Variants in PRUNE2 observed in about 807,000 individuals in gnomAD.
The protein encoded by PRUNE2 is protein prune homolog 2.
A neutral mutation model predicts 252.0 loss-of-function variants in PRUNE2; 164 were observed. The observed-to-expected ratio is 0.65, with a 90% CI of 0.57 to 0.74. The LOEUF (loss-of-function observed/expected upper bound fraction) is 0.74, where lower values mean the gene tolerates loss of function less well. Among genes scored for constraint, PRUNE2 ranks in the 30% least tolerant of loss-of-function variants. The probability of loss-of-function intolerance (pLI) is 0.00; values close to 1 mark genes in which losing one functional copy is unlikely to be tolerated. For missense variants in PRUNE2, 3,495 were observed against 3,711.0 expected (o/e 0.94, Z 1.51); for synonymous variants, 1,292 against 1,350.2 (o/e 0.96, Z 0.94).
intron 9 of PRUNE2, among the ~76,000 whole-genome samples, chr9:76,697,174 T>C (rs944409828): frequency 2.6e-5 from 4 of 152,124 alleles, no homozygotes; most frequent in Admixed American, 2.6e-4. Flanking sequence ...AGTTGTGATG[T>C]TTCAAGTTTC....
chr9:76,823,420 A>G, intron 6 of PRUNE2: 1 of 521,996 alleles, frequency 1.9e-6, no homozygotes, highest in Non-Finnish European at 3.5e-6. Context: ...ATGAAAGAGC[A>G]TTCATCTTGA....
At chr9:76,904,111 G>C (rs764742841) in intron 1 of PRUNE2, among the ~76,000 whole-genome samples, 32 of 152,180 alleles carry the variant, frequency 2.1e-4, no homozygotes, top group Non-Finnish European at 4.4e-4. Flanking sequence ...GGCTGGATGT[G>C]AAAGGTTAAT....
chr9:76,844,480 A>G (rs190404436), intron 4 of PRUNE2, among the ~76,000 whole-genome samples: 7 of 152,356 alleles, frequency 4.6e-5, no homozygotes, highest in Non-Finnish European at 8.8e-5. Context: ...TACAGCCTAC[A>G]GAAGCATGAG....
chr9:76,706,994 T>A lies in PRUNE2; in HGVS notation c.5280A>T (p.Gln1760His). Residue 1760 changes from glutamine (Q) to histidine (H), a missense_variant, in exon 8 of 19, where the codon CAA becomes CAT. Transcript: ENST00000376718. ...AAGTCCAGGGATCAGGGCTGCTTTG[T>A]TGATTGTCACAGAATGGGTTTGACT... The part of the protein sequence containing the change: ...ENKSNPFCDN[Q>H]QSSPDPWTFS... 1 of 1,614,058 alleles carries A rather than the reference T, an allele frequency of 6.2e-7. No homozygotes were observed.
chr9:76,651,261 C>T (rs564842293), intron 11 of PRUNE2, among the ~76,000 whole-genome samples: 56 of 152,038 alleles, frequency 3.7e-4, no homozygotes, highest in Non-Finnish European at 7.5e-4. Flanking sequence ...TAAAACAAGT[C>T]GTTTAGCCAT....
intron 4 of PRUNE2, among the ~76,000 whole-genome samples, chr9:76,839,245 G>C (rs11145098): frequency 0.18 from 28,094 of 152,008 alleles, 3,338 homozygotes; most frequent in African/African-American, 0.32. Context: ...TGTTTATCGA[G>C]GGCCTACTCT....
At chr9:76,648,986 T>TC (rs1049901663) in intron 11 of PRUNE2, among the ~76,000 whole-genome samples, 3 of 152,158 alleles carry the variant, frequency 2.0e-5, no homozygotes, top group African/African-American at 7.2e-5. Context: ...TAATGATGTG[T>TC]CAATGCAGGT....
chr9:76,783,373 G>A (rs1455750858), intron 6 of PRUNE2, among the ~76,000 whole-genome samples: 1 of 152,040 alleles, frequency 6.6e-6, no homozygotes, highest in African/African-American at 2.4e-5. Flanking sequence ...CTGACCTCAG[G>A]TGACCCACCT....
chr9:76,837,312 G>T (rs957725968), intron 4 of PRUNE2, among the ~76,000 whole-genome samples: 5 of 152,034 alleles, frequency 3.3e-5, no homozygotes, highest in South Asian at 2.1e-4. Flanking sequence ...CGTGGTGGCG[G>T]GCACCTGCAG....
At chr9:76,765,902 G>T (rs935809763) in intron 6 of PRUNE2, among the ~76,000 whole-genome samples, 1 of 152,134 alleles carries the variant, frequency 6.6e-6, no homozygotes, top group Non-Finnish European at 1.5e-5. Flanking sequence ...CTCGTTAGAG[G>T]CCAGACGCGG....
chr9:76,672,683 C>G (rs1450046920), intron 9 of PRUNE2, among the ~76,000 whole-genome samples: 1 of 148,162 alleles, frequency 6.7e-6, no homozygotes, highest in Non-Finnish European at 1.5e-5. Context: ...TGTTAAAGAA[C>G]AGAAATTATA....
At chr9:76,628,541 T>C (rs142037681) in intron 16 of PRUNE2, among the ~76,000 whole-genome samples, 124 of 146,986 alleles carry the variant, frequency 8.4e-4, no homozygotes, top group African/African-American at 3.0e-3. Context: ...CCGTCTTGTG[T>C]CTGTGCAGAG....
At chr9:76,855,082 A>AAAAAAAAATATATATATATATATATATAT (rs1490285240) in intron 1 of PRUNE2, among the ~76,000 whole-genome samples, 1 of 109,438 alleles carries the variant, frequency 9.1e-6, no homozygotes, top group African/African-American at 3.9e-5. Flanking sequence ...AAAAAAAAAA[A>AAAAAAAAATATATATATATATATATATAT]ATATATATAT....
At chr9:76,847,512 G>C (rs541071786) in intron 3 of PRUNE2, among the ~76,000 whole-genome samples, 2 of 151,796 alleles carry the variant, frequency 1.3e-5, no homozygotes, top group African/African-American at 2.4e-5. Context: ...TTTGTGCAAC[G>C]TCACACATTT....
chr9:76,670,333 G>A (rs1344482174), intron 9 of PRUNE2, among the ~76,000 whole-genome samples: 8 of 151,658 alleles, frequency 5.3e-5, no homozygotes, highest in African/African-American at 1.7e-4. Context: ...CAAATACTGC[G>A]CTTTTCCAAA....
At chr9:76,807,020 ATG>A (rs1554779764) in intron 6 of PRUNE2, among the ~76,000 whole-genome samples, 14,020 of 140,070 alleles carry the variant, frequency 0.1, 843 homozygotes, top group African/African-American at 0.18. Context: ...ACCTCATACA[ATG>A]TGTGTGTGTG....
intron 6 of PRUNE2, among the ~76,000 whole-genome samples, chr9:76,720,839 G>A (rs1221759623): frequency 6.9e-6 from 1 of 143,938 alleles, no homozygotes; most frequent in East Asian, 2.8e-4. Flanking sequence ...AGTTAAATAT[G>A]AAGTAAACTC....
chr9:76,853,703 G>C (rs2060090463), intron 2 of PRUNE2, among the ~76,000 whole-genome samples: 1 of 152,250 alleles, frequency 6.6e-6, no homozygotes, highest in Non-Finnish European at 1.5e-5. Flanking sequence ...GTTCACACAA[G>C]TTATTCTGCA....
chr9:76,712,146 C>G (rs1045116216), intron 7 of PRUNE2, among the ~76,000 whole-genome samples: 1 of 152,200 alleles, frequency 6.6e-6, no homozygotes, highest in Non-Finnish European at 1.5e-5. Flanking sequence ...ACTACTACTA[C>G]TAATTAACAT....
Sources: allele counts gnomAD v4.1 joint callset (sites outside exome capture counted in the v4.1 genomes callset), GRCh38; gene constraint gnomAD v4.1.1; transcripts MANE v1.5; gene names NCBI Gene and HGNC (gene_info 2026-07-23, HGNC 2026-07-21).